Variants in LMCD1 observed in about 807,000 individuals in gnomAD.
The protein encoded by LMCD1 is LIM and cysteine rich domains 1.
LMCD1 carries 32 observed loss-of-function variants against 42.7 expected under a neutral mutation model. The observed-to-expected ratio is 0.75, with a 90% CI of 0.57 to 1.01. LMCD1 has a LOEUF of 1.01. LMCD1 is among the 50% of genes least tolerant of loss of function. The pLI is 0.00. For synonymous variants in LMCD1, 178 were observed against 184.9 expected, an observed-to-expected ratio of 0.96 and a Z score of 0.30; for missense variants, 458 against 483.1, an observed-to-expected ratio of 0.95 and a Z score of 0.49.
intron 3 of LMCD1, among the ~76,000 whole-genome samples, chr3:8,543,148 C>T (rs940284039): frequency 6.6e-6 from 1 of 152,256 alleles, no homozygotes; most frequent in African/African-American, 2.4e-5. Flanking sequence ...AGGGGCAGGC[C>T]CTGGGCAAGA....
intron 1 of LMCD1, among the ~76,000 whole-genome samples, chr3:8,515,505 T>A (rs964241361): frequency 9.8e-5 from 15 of 152,292 alleles, no homozygotes; most frequent in African/African-American, 3.6e-4. Flanking sequence ...GTGGCTGTCT[T>A]GCCTGCTTAA....
chr3:8,528,496 AT>A (rs1044740180), intron 1 of LMCD1, among the ~76,000 whole-genome samples: 9 of 152,052 alleles, frequency 5.9e-5, no homozygotes, highest in Non-Finnish European at 1.3e-4. Context: ...ACATCTAATT[AT>A]TTTTTTAACA....
chr3:8,511,575 C>T (rs557750740), intron 1 of LMCD1, among the ~76,000 whole-genome samples: 1 of 152,170 alleles, frequency 6.6e-6, no homozygotes, highest in Non-Finnish European at 1.5e-5. Flanking sequence ...GACATTTGAG[C>T]TGAGTGTTGA....
chr3:8,539,534 G>A (rs1402360818), intron 3 of LMCD1, among the ~76,000 whole-genome samples: 4 of 152,108 alleles, frequency 2.6e-5, no homozygotes, highest in Admixed American at 6.5e-5. Context: ...TATCAAGCAC[G>A]TCTCCAGGAT....
intron 3 of LMCD1, among the ~76,000 whole-genome samples, chr3:8,540,489 A>G (rs1025901805): frequency 6.6e-6 from 1 of 152,216 alleles, no homozygotes; most frequent in Non-Finnish European, 1.5e-5. Context: ...AGCTAGCCCA[A>G]TGTCCCACAG....
chr3:8,536,798 G>T lies in LMCD1; in HGVS notation c.132-387G>T, dbSNP rs573078094. Reference sequence around the variant, plus strand: ...TATGTTAATGAGTGGTCATGGCTGTGTTCCAATAAAACTTTATTTACAAGA... The same window carrying T: ...TATGTTAATGAGTGGTCATGGCTGTTTTCCAATAAAACTTTATTTACAAGA... On this transcript the variant is annotated intron_variant, in intron 2 of 5. Coordinates refer to ENST00000157600, the MANE Select transcript of LMCD1 (RefSeq NM_014583.4). 8.3e-4 allele frequency among the ~76,000 whole-genome samples: 126 copies of T among 152,272 alleles called. 1 individual carries two copies. Among genetic ancestry groups the T allele is most frequent in the African/African-American group, 2.9e-3 (122 of 41,550 alleles).
chr3:8,566,608 G>A (rs1257849812), intron 5 of LMCD1, among the ~76,000 whole-genome samples: 1 of 152,090 alleles, frequency 6.6e-6, no homozygotes, highest in African/African-American at 2.4e-5. Flanking sequence ...GCTTACGGTG[G>A]GTCAGTAATT....
At chr3:8,514,857 T>C in intron 1 of LMCD1, 1 of 443,196 alleles carries the variant, frequency 2.3e-6, no homozygotes, top group East Asian at 7.1e-5. Flanking sequence ...AGAAGAGGTG[T>C]TTATTGAATA....
At chr3:8,502,569 TACACACACACACACACACACACAC>T (rs5846600) in intron 1 of LMCD1, among the ~76,000 whole-genome samples, 1 of 134,344 alleles carries the variant, frequency 7.4e-6, no homozygotes, top group Non-Finnish European at 1.5e-5. Flanking sequence ...TTTCCCCCAA[TACACACACACACACACACACACAC>T]ACACACACAC....
intron 1 of LMCD1, among the ~76,000 whole-genome samples, chr3:8,528,911 G>A (rs866252077): frequency 2.0e-5 from 3 of 152,016 alleles, no homozygotes; most frequent in South Asian, 2.1e-4. Context: ...TCAGTTTCAC[G>A]ATAATATCAA....
intron 4 of LMCD1, among the ~76,000 whole-genome samples, chr3:8,556,667 C>T (rs1349354567): frequency 6.6e-6 from 1 of 152,180 alleles, no homozygotes; most frequent in Non-Finnish European, 1.5e-5. Flanking sequence ...GGAATGAACA[C>T]ATCTGAGACT....
chr3:8,502,738 T>C (rs1693787988), intron 1 of LMCD1, among the ~76,000 whole-genome samples: 1 of 151,952 alleles, frequency 6.6e-6, no homozygotes, highest in Non-Finnish European at 1.5e-5. Flanking sequence ...AGGTCATGGG[T>C]AAACTCCTGC....
chr3:8,532,978 A>C (rs1207375655), intron 2 of LMCD1, among the ~76,000 whole-genome samples, 153 bp downstream of exon 2: 1 of 152,082 alleles, frequency 6.6e-6, no homozygotes, highest in African/African-American at 2.4e-5. Flanking sequence ...GCTTGGTCCA[A>C]TTCAGAAACG....
At chr3:8,502,602 A>G (rs1381582225) in intron 1 of LMCD1, among the ~76,000 whole-genome samples, 1 of 125,650 alleles carries the variant, frequency 8.0e-6, no homozygotes, top group East Asian at 2.1e-4. Flanking sequence ...ACACACACAC[A>G]CACACGCACG....
Position 8,567,818 on chromosome 3 carries a change from C to G in LMCD1, c.*220C>G. 1 of 362,138 alleles carries G rather than the reference C, an allele frequency of 2.8e-6. No individual in the cohort carries two copies. The highest frequency in any genetic ancestry group is 4.9e-6 in the Non-Finnish European group (1 of 205,104). 22.4% of individuals were successfully genotyped at this position (362,138 alleles called of 1,614,324 possible). On this transcript the variant is annotated 3_prime_UTR_variant, in exon 6 of 6. Transcript: ENST00000157600. ...CAGTAGTTTCAAAACCAAAAATATT[C>G]TAAGAAGTCTTAGGATGGAGTTCCT... is the stretch of plus-strand genomic sequence containing the variant.
intron 1 of LMCD1, among the ~76,000 whole-genome samples, chr3:8,519,979 A>T (rs1694173060): frequency 6.6e-6 from 1 of 151,860 alleles, no homozygotes; most frequent in Admixed American, 6.6e-5. Context: ...TTAACCCAGG[A>T]ATTTAGGTGT....
Position 8,567,849 on chromosome 3 carries a change from T to G in LMCD1, c.*251T>G. Reference sequence around the variant, plus strand: ...AGTCTTAGGATGGAGTTCCTTTTCTTTCTGTTGTTGTTTCCCAGCTACAAC... The same window carrying G: ...AGTCTTAGGATGGAGTTCCTTTTCTGTCTGTTGTTGTTTCCCAGCTACAAC... On this transcript the variant is annotated 3_prime_UTR_variant, in exon 6 of 6. Coordinates refer to ENST00000157600, the MANE Select transcript of LMCD1 (RefSeq NM_014583.4). 1 of 286,238 alleles carries G rather than the reference T, an allele frequency of 3.5e-6. No homozygotes were observed. The highest frequency in any genetic ancestry group is 6.4e-6 in the Non-Finnish European group (1 of 156,304). The allele number at this position is 286,238 out of a possible 1,614,324, so 17.7% of individuals were successfully genotyped here.
chr3:8,516,080 G>A (rs901486948), intron 1 of LMCD1, among the ~76,000 whole-genome samples: 2 of 152,132 alleles, frequency 1.3e-5, no homozygotes, highest in Admixed American at 6.5e-5. Flanking sequence ...AAAAAGATGG[G>A]CTTTAGGATG....
intron 4 of LMCD1, among the ~76,000 whole-genome samples, chr3:8,559,485 A>G (rs1314818377): frequency 6.6e-6 from 1 of 152,248 alleles, no homozygotes; most frequent in Non-Finnish European, 1.5e-5. Context: ...ACAGAGGCAC[A>G]GGTAAGTTAG....
Sources: allele counts gnomAD v4.1 joint callset (sites outside exome capture counted in the v4.1 genomes callset), GRCh38; gene constraint gnomAD v4.1.1; transcripts MANE v1.5; gene names NCBI Gene and HGNC (gene_info 2026-07-23, HGNC 2026-07-21).